Variants in NRP1 observed in about 807,000 individuals in gnomAD.
NRP1 encodes neuropilin-1.
In NRP1, 35 loss-of-function variants were observed where a neutral mutation model predicts 106.7. That is an observed-to-expected ratio of 0.33 (90% CI 0.25 to 0.43). The LOEUF is 0.43. Ranked by LOEUF, NRP1 falls within the 20% of genes least tolerant of loss-of-function variation. The pLI, the probability that NRP1 is intolerant of heterozygous loss-of-function variation, is 1.00. For missense variants in NRP1, 1,024 were observed against 1,170.4 expected (o/e 0.87, Z 1.83); for synonymous variants, 437 against 417.9 (o/e 1.05, Z -0.56).
intron 13 of NRP1, among the ~76,000 whole-genome samples, chr10:33,186,749 C>T (rs1836035373): frequency 6.6e-6 from 1 of 152,194 alleles, no homozygotes; most frequent in East Asian, 1.9e-4. Context: ...AATGCATTTT[C>T]ATATGGACAC....
chr10:33,255,680 G>A (rs989016517), intron 5 of NRP1, among the ~76,000 whole-genome samples: 2 of 152,070 alleles, frequency 1.3e-5, no homozygotes, highest in Admixed American at 1.3e-4. Context: ...TCCAACTCCT[G>A]GCCTCAAGCA....
chr10:33,268,195 G>T (rs1449500766), intron 3 of NRP1, among the ~76,000 whole-genome samples: 2 of 152,128 alleles, frequency 1.3e-5, no homozygotes, highest in Non-Finnish European at 2.9e-5. Context: ...TTATATTAAT[G>T]ATTTTTATGC....
At chr10:33,223,649 GTT>G (rs1036844960) in intron 7 of NRP1, among the ~76,000 whole-genome samples, 9 of 152,092 alleles carry the variant, frequency 5.9e-5, no homozygotes, top group African/African-American at 1.9e-4. Flanking sequence ...AAATAAGTCA[GTT>G]TTTAGCCTGA....
At chr10:33,265,248 C>T (rs1842846080) in intron 3 of NRP1, among the ~76,000 whole-genome samples, 1 of 152,226 alleles carries the variant, frequency 6.6e-6, no homozygotes, top group South Asian at 2.1e-4. Context: ...ACTTAAGACA[C>T]TTGTGAATCA....
At chr10:33,242,357 A>G (rs1448618993) in intron 6 of NRP1, among the ~76,000 whole-genome samples, 1 of 152,214 alleles carries the variant, frequency 6.6e-6, no homozygotes, top group Non-Finnish European at 1.5e-5. Flanking sequence ...CAGCATCCTT[A>G]TAAATATATA....
intron 1 of NRP1, among the ~76,000 whole-genome samples, chr10:33,331,531 T>C (rs917391781): frequency 1.3e-5 from 2 of 152,200 alleles, no homozygotes; most frequent in Non-Finnish European, 2.9e-5. Context: ...AGCTTGGAGA[T>C]CGGATCAAAG....
intron 13 of NRP1, among the ~76,000 whole-genome samples, 199 bp from the exon 14 acceptor site, chr10:33,186,687 A>T (rs1030215408): frequency 2.0e-4 from 31 of 152,132 alleles, no homozygotes; most frequent in Non-Finnish European, 4.6e-4. Context: ...CAAAATGGAC[A>T]TTTGATTAGG....
chr10:33,194,744 T>C (rs751674729), intron 12 of NRP1: 5 of 528,128 alleles, frequency 9.5e-6, no homozygotes, highest in Non-Finnish European at 1.6e-5. Flanking sequence ...GGGAGGGTTA[T>C]GGAGTGAGAG....
chr10:33,273,279 C>CA (rs1332209559), intron 2 of NRP1, among the ~76,000 whole-genome samples: 17 of 152,194 alleles, frequency 1.1e-4, no homozygotes, highest in Admixed American at 9.2e-4. Flanking sequence ...AATAGTATCG[C>CA]AAATAGCAGC....
chr10:33,199,944 G>T (rs895395804), intron 11 of NRP1, among the ~76,000 whole-genome samples: 1 of 152,214 alleles, frequency 6.6e-6, no homozygotes, highest in Non-Finnish European at 1.5e-5. Context: ...ATGGTCTTAA[G>T]ATTTCTAGGC....
intron 9 of NRP1, among the ~76,000 whole-genome samples, chr10:33,210,351 A>G (rs908452377): frequency 6.6e-6 from 1 of 152,198 alleles, no homozygotes; most frequent in Non-Finnish European, 1.5e-5. Context: ...CCATTACTAC[A>G]TATGCAAGTT....
At chr10:33,234,035 T>C (rs908848128) in intron 6 of NRP1, among the ~76,000 whole-genome samples, 3 of 152,160 alleles carry the variant, frequency 2.0e-5, no homozygotes, top group African/African-American at 7.2e-5. Context: ...GCTTTAGAGT[T>C]AGTGACATAG....
intron 1 of NRP1, among the ~76,000 whole-genome samples, chr10:33,331,918 T>C (rs528035178): frequency 6.6e-6 from 1 of 152,352 alleles, no homozygotes; most frequent in African/African-American, 2.4e-5. Context: ...CAGTGAAATA[T>C]ATAAGCCTAT....
At chr10:33,266,957 G>A (rs1335857878) in intron 3 of NRP1, among the ~76,000 whole-genome samples, 14 of 152,096 alleles carry the variant, frequency 9.2e-5, no homozygotes, top group African/African-American at 3.1e-4. Context: ...GCGTGAACCC[G>A]GGAGGCGGAG....
chr10:33,302,665 C>G (rs1466311554), intron 2 of NRP1, among the ~76,000 whole-genome samples: 1 of 152,154 alleles, frequency 6.6e-6, no homozygotes, highest in Non-Finnish European at 1.5e-5. Context: ...CACAAAGATT[C>G]CTCTGAGCAA....
At chr10:33,322,744 T>C (rs777994221) in intron 2 of NRP1, among the ~76,000 whole-genome samples, 2 of 152,226 alleles carry the variant, frequency 1.3e-5, no homozygotes, top group Non-Finnish European at 2.9e-5. Flanking sequence ...TTTTCACAAG[T>C]GCTTATTTAA....
intron 2 of NRP1, among the ~76,000 whole-genome samples, chr10:33,329,860 C>T (rs574990262): frequency 3.9e-5 from 6 of 152,128 alleles, no homozygotes; most frequent in Admixed American, 1.3e-4. Flanking sequence ...TGGACTGCTA[C>T]GTGCAAGGTA....
chr10:33,189,452 G>A (rs1304306193), intron 13 of NRP1, among the ~76,000 whole-genome samples: 1 of 152,178 alleles, frequency 6.6e-6, no homozygotes, highest in Non-Finnish European at 1.5e-5. Context: ...GCCATTGGAA[G>A]CCCTCACTGA....
At chr10:33,182,483 G>A (rs1300187154) in intron 16 of NRP1, among the ~76,000 whole-genome samples, 1 of 152,144 alleles carries the variant, frequency 6.6e-6, no homozygotes, top group Non-Finnish European at 1.5e-5. Flanking sequence ...AGCAGGACCC[G>A]TCACCGAGGC....
Sources: gnomAD v4.1 joint callset for allele counts (sites outside exome capture counted in the v4.1 genomes callset) on GRCh38, gnomAD v4.1.1 for gene constraint, MANE v1.5 for transcripts, NCBI Gene and HGNC (gene_info 2026-07-23, HGNC 2026-07-21) for gene names.